GRM5: variants seen among roughly 807,000 people sequenced by gnomAD.
GRM5 encodes glutamate metabotropic receptor 5, also known as metabotropic glutamate receptor 5.
Under a neutral mutation model 83.1 loss-of-function variants are expected in GRM5, and 19 were observed. That is an observed-to-expected ratio of 0.23 (90% confidence interval 0.16 to 0.34). GRM5 has a LOEUF of 0.34. Among genes scored for constraint, GRM5 ranks in the 10% least tolerant of loss-of-function variants. The pLI is 1.00. For missense variants in GRM5, 1,160 were observed against 1,588.3 expected (o/e 0.73, Z 4.58); for synonymous variants, 675 against 633.6 (o/e 1.07, Z -0.98).
chr11:88,556,311 A>G (rs1942624865), intron 8 of GRM5, among the ~76,000 whole-genome samples: 1 of 130,308 alleles, frequency 7.7e-6, no homozygotes, highest in South Asian at 2.3e-4. Flanking sequence ...TGTGGGACAC[A>G]TTCTTTTCTT....
At chr11:88,554,251 T>C (rs973427118) in intron 8 of GRM5, among the ~76,000 whole-genome samples, 1 of 152,106 alleles carries the variant, frequency 6.6e-6, no homozygotes, top group Non-Finnish European at 1.5e-5. Context: ...GCCAGCAGAA[T>C]AGCACTTTCA....
At chr11:88,854,077 T>TATATAC (rs927592084) in intron 2 of GRM5, among the ~76,000 whole-genome samples, 26 of 149,348 alleles carry the variant, frequency 1.7e-4, no homozygotes, top group African/African-American at 5.5e-4. Context: ...TATATATATA[T>TATATAC]ACACAATGAA....
chr11:88,552,290 A>T (rs1942527380), intron 8 of GRM5, among the ~76,000 whole-genome samples: 2 of 152,182 alleles, frequency 1.3e-5, no homozygotes, highest in African/African-American at 4.8e-5. Context: ...GCCTCCCAAC[A>T]TTCTAGGATT....
intron 3 of GRM5, among the ~76,000 whole-genome samples, chr11:88,675,718 G>GT (rs1382709653): frequency 6.6e-6 from 1 of 151,962 alleles, no homozygotes; most frequent in Non-Finnish European, 1.5e-5. Context: ...TAGTTACTCT[G>GT]TTTGGACTTC....
chr11:88,835,302 G>C (rs1337634023), intron 3 of GRM5, among the ~76,000 whole-genome samples: 1 of 152,188 alleles, frequency 6.6e-6, no homozygotes, highest in African/African-American at 2.4e-5. Flanking sequence ...CTGTAAGCTA[G>C]ATATGTTCAG....
chr11:88,743,838 G>C (rs1367806880), intron 3 of GRM5, among the ~76,000 whole-genome samples: 1 of 152,110 alleles, frequency 6.6e-6, no homozygotes, highest in Non-Finnish European at 1.5e-5. Flanking sequence ...CTTCTAATTA[G>C]CTCTAGATGA....
chr11:88,940,470 C>T (rs150102872), intron 2 of GRM5, among the ~76,000 whole-genome samples: 4,771 of 150,616 alleles, frequency 0.032, 257 homozygotes, highest in African/African-American at 0.11. Flanking sequence ...TCCCATTATA[C>T]AGTTTTATCT....
In GRM5 at chr11:88,796,898, ACGTGTGTG is replaced by A. The variant is rs1448168004; in HGVS notation, c.911+53000_911+53007del. ...ATGAAAGGAAAGTACACACACACAC[ACGTGTGTG>A]TGTGTGTGTGTGTGTGTGTGTGTGT... On this transcript the variant is annotated intron_variant, in intron 3 of 9. Coordinates refer to ENST00000305447, the MANE Select transcript of GRM5 (RefSeq NM_001143831.3). Among the ~76,000 whole-genome samples, 19 of 53,756 alleles carry A rather than the reference ACGTGTGTG, an allele frequency of 3.5e-4. 1 individual carries two copies. Among genetic ancestry groups the A allele is most frequent in the Admixed American group, 5.2e-4 (2 of 3,848 alleles). 35.3% of individuals were successfully genotyped at this position (53,756 alleles called of 152,430 possible). A position where few individuals can be genotyped will look rare whatever the true frequency, so the allele number is the denominator to read the frequency against.
chr11:88,981,538 T>C (rs1235564878), intron 2 of GRM5, among the ~76,000 whole-genome samples: 5 of 152,150 alleles, frequency 3.3e-5, no homozygotes, highest in African/African-American at 1.2e-4. Context: ...CTCCAAACTA[T>C]GAGTCAAGGA....
chr11:88,681,624 T>A (rs1275566804), intron 3 of GRM5, among the ~76,000 whole-genome samples: 3 of 131,784 alleles, frequency 2.3e-5, no homozygotes, highest in Non-Finnish European at 3.1e-5. Context: ...CAGTCTGGAG[T>A]GCAGTGGTGT....
chr11:88,951,695 T>A (rs1376154656), intron 2 of GRM5, among the ~76,000 whole-genome samples: 1 of 152,210 alleles, frequency 6.6e-6, no homozygotes, highest in Non-Finnish European at 1.5e-5. Flanking sequence ...TTTCTATAAA[T>A]TGTAAACAAC....
chr11:88,643,878 T>G (rs769775086), intron 4 of GRM5, among the ~76,000 whole-genome samples: 1 of 152,180 alleles, frequency 6.6e-6, no homozygotes, highest in Non-Finnish European at 1.5e-5. Flanking sequence ...GAAGACAACA[T>G]TCTGATGCAT....
chr11:88,994,184 G>A (rs1940091876), intron 2 of GRM5, among the ~76,000 whole-genome samples: 2 of 151,378 alleles, frequency 1.3e-5, no homozygotes, highest in South Asian at 2.1e-4. Context: ...GGAGGTAGAA[G>A]ATACATACAA....
At chr11:88,725,612 C>A (rs10160439) in intron 3 of GRM5, among the ~76,000 whole-genome samples, 39 of 152,070 alleles carry the variant, frequency 2.6e-4, no homozygotes, top group Non-Finnish European at 5.1e-4. Flanking sequence ...CATCAGGGAT[C>A]GACAGACACC....
chr11:88,618,501 G>T (rs1938543597), intron 4 of GRM5, among the ~76,000 whole-genome samples: 4 of 151,474 alleles, frequency 2.6e-5, no homozygotes, highest in Admixed American at 2.6e-4. Flanking sequence ...CTCATTCAGA[G>T]ATTAAGTCAT....
At chr11:88,919,232 G>T (rs1316414430) in intron 2 of GRM5, among the ~76,000 whole-genome samples, 1 of 15,790 alleles carries the variant, frequency 6.3e-5, no homozygotes, top group African/African-American at 1.3e-4. Flanking sequence ...AGAACAGCAG[G>T]AGTAGCTATA....
In GRM5 at chr11:88,811,093, C is replaced by T. The variant is rs138828290; in HGVS notation, c.911+38813G>A. On this transcript the variant is annotated intron_variant, in intron 3 of 9. Transcript: ENST00000305447. ...TGGAAAAGCCATTATTCTAGAAACA[C>T]CTTTTTTTGTTTTTTTTCCATTCTC... Among the ~76,000 whole-genome samples, 415 of 151,724 alleles carry T rather than the reference C, an allele frequency of 2.7e-3. 2 individuals are homozygous for T. Among genetic ancestry groups the T allele is most frequent in the South Asian group, 0.012 (59 of 4,826 alleles).
At chr11:88,991,388 C>T (rs558988864) in intron 2 of GRM5, among the ~76,000 whole-genome samples, 1 of 151,922 alleles carries the variant, frequency 6.6e-6, no homozygotes, top group African/African-American at 2.4e-5. Flanking sequence ...GAATAACATT[C>T]CATGCTCATG....
chr11:88,565,894 T>A (rs1942863933), intron 8 of GRM5, among the ~76,000 whole-genome samples: 1 of 152,174 alleles, frequency 6.6e-6, no homozygotes, highest in Admixed American at 6.5e-5. Context: ...AATTCAACTA[T>A]CCTCTGATTT....
Sources: allele counts gnomAD v4.1 joint callset (sites outside exome capture counted in the v4.1 genomes callset), GRCh38; gene constraint gnomAD v4.1.1; transcripts MANE v1.5; gene names NCBI Gene and HGNC (gene_info 2026-07-23, HGNC 2026-07-21).